NECAB1: variants seen among roughly 807,000 people sequenced by gnomAD.
The protein encoded by NECAB1 is N-terminal EF-hand calcium-binding protein 1.
Under a neutral mutation model 57.5 loss-of-function variants are expected in NECAB1, and 29 were observed. The observed-to-expected ratio is 0.50, with a 90% CI of 0.38 to 0.69. NECAB1 has a LOEUF of 0.69. Ranked by LOEUF, NECAB1 falls within the 30% of genes least tolerant of loss-of-function variation. The pLI, the probability that NECAB1 is intolerant of heterozygous loss-of-function variation, is 0.00. For synonymous variants in NECAB1, 142 were observed against 147.7 expected (o/e 0.96, Z 0.28); for missense variants, 372 against 413.8 (o/e 0.90, Z 0.88).
At chr8:90,935,583 T>C (rs1016240737) in intron 9 of NECAB1, among the ~76,000 whole-genome samples, 1 of 152,182 alleles carries the variant, frequency 6.6e-6, no homozygotes, top group Non-Finnish European at 1.5e-5. Context: ...CTTGTGATCA[T>C]GCATCTGTTA....
At position 90,830,724 on chromosome 8, in the gene NECAB1, C is replaced by T. The variant is rs374658225; in HGVS notation, c.233+5899C>T. On this transcript the variant is annotated intron_variant, in intron 3 of 12. Coordinates refer to ENST00000417640, the MANE Select transcript of NECAB1 (RefSeq NM_022351.5). ...GTAGCTTTCTTGGCATAAGCAGATA[C>T]AGGCCAGCAGATGTATGCTTTTTTT... Among the ~76,000 whole-genome samples, 6 of 152,228 alleles carry T rather than the reference C, an allele frequency of 3.9e-5. No individual in the cohort carries two copies. In the South Asian group the frequency reaches 8.3e-4, roughly 21 times the overall value.
intron 2 of NECAB1, among the ~76,000 whole-genome samples, chr8:90,806,164 C>T (rs1395642674): frequency 6.6e-6 from 1 of 152,190 alleles, no homozygotes; most frequent in Non-Finnish European, 1.5e-5. Context: ...GGTCTGCTAT[C>T]ATTCTTGATC....
At chr8:90,825,488 G>C (rs1812209550) in intron 3 of NECAB1, among the ~76,000 whole-genome samples, 1 of 151,966 alleles carries the variant, frequency 6.6e-6, no homozygotes, top group African/African-American at 2.4e-5. Context: ...AACCAAATCA[G>C]ATTATTTGTG....
intron 4 of NECAB1, among the ~76,000 whole-genome samples, chr8:90,880,333 G>A (rs560967903): frequency 1.3e-5 from 2 of 151,974 alleles, no homozygotes; most frequent in African/African-American, 2.4e-5. Flanking sequence ...TTTATGTTAA[G>A]CTAGTTTGCT....
chr8:90,955,529 T>C lies in NECAB1; in HGVS notation c.*17T>C. On this transcript the variant is annotated 3_prime_UTR_variant, in exon 13 of 13. Coordinates refer to ENST00000417640, the MANE Select transcript of NECAB1 (RefSeq NM_022351.5). The stretch of plus-strand genomic sequence containing the variant: ...AACAACTAGATGTTCCTAGACATTT[T>C]CTTTATGGTTCCAAGTGCAAAACAG... 1 of 1,547,348 alleles carries C rather than the reference T, an allele frequency of 6.5e-7. No individual in the cohort carries two copies. Among genetic ancestry groups the C allele is most frequent in the Non-Finnish European group, 8.7e-7 (1 of 1,143,406 alleles).
intron 5 of NECAB1, among the ~76,000 whole-genome samples, chr8:90,913,259 G>A (rs555333606): frequency 1.6e-4 from 25 of 152,220 alleles, no homozygotes; most frequent in African/African-American, 5.3e-4. Flanking sequence ...CTCCACCAAA[G>A]GAAATGTGTA....
intron 1 of NECAB1, among the ~76,000 whole-genome samples, chr8:90,798,063 A>G (rs1322333624): frequency 6.6e-6 from 1 of 152,200 alleles, no homozygotes; most frequent in Non-Finnish European, 1.5e-5. Context: ...GAACTGTATC[A>G]TACTTCCTCT....
Position 90,926,924 on chromosome 8 carries a change from G to A in NECAB1, c.616+1268G>A, listed in dbSNP as rs531367819. ...GGTATATACAGATACTTCTATAGCA[G>A]GAAGAAATTGAAGAATTGGGAAAAA... On this transcript the variant is annotated intron_variant, in intron 7 of 12. Transcript: ENST00000417640. 2.6e-5 allele frequency among the ~76,000 whole-genome samples: 4 copies of A among 152,042 alleles called. No homozygotes were observed. The East Asian group carries it at 5.8e-4, about 22-fold the overall frequency.
At chr8:90,823,609 A>C (rs376166755) in intron 2 of NECAB1, among the ~76,000 whole-genome samples, 23 of 151,810 alleles carry the variant, frequency 1.5e-4, no homozygotes, top group African/African-American at 5.3e-4. Flanking sequence ...AAAATGTTCT[A>C]GATGAATCTA....
intron 2 of NECAB1, among the ~76,000 whole-genome samples, chr8:90,817,719 T>C (rs1812081458): frequency 6.6e-6 from 1 of 151,918 alleles, no homozygotes; most frequent in South Asian, 2.1e-4. Flanking sequence ...GCTAATATTT[T>C]GTTGAGAATT....
At chr8:90,904,471 G>A (rs1340976200) in intron 5 of NECAB1, among the ~76,000 whole-genome samples, 2 of 151,824 alleles carry the variant, frequency 1.3e-5, no homozygotes, top group Non-Finnish European at 2.9e-5. Flanking sequence ...TACAATAATT[G>A]AAATGAAAAC....
intron 6 of NECAB1, among the ~76,000 whole-genome samples, chr8:90,922,890 C>A (rs1810160966): frequency 2.0e-5 from 3 of 152,094 alleles, no homozygotes. Context: ...TCTCTCTAAA[C>A]CCTTCAAAAC....
intron 3 of NECAB1, among the ~76,000 whole-genome samples, chr8:90,862,947 C>T (rs932352475): frequency 6.6e-6 from 1 of 152,028 alleles, no homozygotes; most frequent in Non-Finnish European, 1.5e-5. Context: ...TTATAATTAA[C>T]ATTTTACATT....
intron 2 of NECAB1, among the ~76,000 whole-genome samples, chr8:90,804,785 A>G (rs543578141): frequency 2.0e-4 from 30 of 152,086 alleles, no homozygotes; most frequent in Non-Finnish European, 3.4e-4. Context: ...AGTTGGAGGG[A>G]AGCAGAGTCA....
At chr8:90,916,979 A>AACT (rs1809968997) in intron 5 of NECAB1, among the ~76,000 whole-genome samples, 1 of 152,212 alleles carries the variant, frequency 6.6e-6, no homozygotes, top group Admixed American at 6.5e-5. Flanking sequence ...AATTTTAAAT[A>AACT]ACTACACATA....
chr8:90,845,428 T>G (rs1171030541), intron 3 of NECAB1, among the ~76,000 whole-genome samples: 2 of 152,210 alleles, frequency 1.3e-5, no homozygotes, highest in Non-Finnish European at 2.9e-5. Context: ...ACTTATATTA[T>G]GTATTTATTT....
chr8:90,953,307 T>C (rs1734480620), intron 12 of NECAB1, among the ~76,000 whole-genome samples: 1 of 152,198 alleles, frequency 6.6e-6, no homozygotes, highest in Non-Finnish European at 1.5e-5. Context: ...TTTATCATTA[T>C]CTGGAATTAT....
intron 4 of NECAB1, among the ~76,000 whole-genome samples, chr8:90,875,644 T>C (rs1486274569): frequency 6.6e-6 from 1 of 151,756 alleles, no homozygotes; most frequent in Non-Finnish European, 1.5e-5. Flanking sequence ...ATTTCTCATC[T>C]AGTCGGGTGT....
chr8:90,938,317 TAGAG>T (rs905185390), intron 9 of NECAB1, among the ~76,000 whole-genome samples: 13 of 152,266 alleles, frequency 8.5e-5, no homozygotes, highest in African/African-American at 2.4e-4. Flanking sequence ...ACTCCTATAA[TAGAG>T]AAACAAAAAT....
Sources: gnomAD v4.1 joint callset for allele counts (sites outside exome capture counted in the v4.1 genomes callset) on GRCh38, gnomAD v4.1.1 for gene constraint, MANE v1.5 for transcripts, NCBI Gene and HGNC (gene_info 2026-07-23, HGNC 2026-07-21) for gene names.